Variants in RAB33B observed in about 807,000 individuals in gnomAD.
The protein encoded by RAB33B is RAB33B, member RAS oncogene family.
In RAB33B, 6 loss-of-function variants were observed where a neutral mutation model predicts 15.0. That is an observed-to-expected ratio of 0.40 (90% CI 0.22 to 0.79). RAB33B has a LOEUF of 0.79. Among genes scored for constraint, RAB33B ranks in the 30% least tolerant of loss-of-function variants. RAB33B has a pLI of 0.37. For synonymous variants in RAB33B, 117 were observed against 108.3 expected (o/e 1.08, Z -0.50); for missense variants, 257 against 296.4 (o/e 0.87, Z 0.98).
chr4:139,463,028 T>A (rs540105121), intron 1 of RAB33B, among the ~76,000 whole-genome samples: 1 of 152,202 alleles, frequency 6.6e-6, no homozygotes, highest in South Asian at 2.1e-4. Flanking sequence ...TAACTGGGTG[T>A]GGTGACACAC....
chr4:139,449,289 T>C (rs1749880699), upstream of RAB33B: 1 of 152,224 alleles, frequency 6.6e-6, no homozygotes, highest in African/African-American at 2.4e-5. Context: ...TTAGGTGTAA[T>C]TATGACATTA....
At chr4:139,446,772 TAC>T in the RAB33B span, among the ~76,000 whole-genome samples, 2 of 152,156 alleles carry the variant, frequency 1.3e-5, no homozygotes, top group South Asian at 4.1e-4. Flanking sequence ...GGATGGAGGT[TAC>T]ATATGGGCTC....
intron 1 of RAB33B, among the ~76,000 whole-genome samples, chr4:139,463,228 G>C (rs1337614909): frequency 6.6e-6 from 1 of 152,304 alleles, no homozygotes; most frequent in East Asian, 1.9e-4. Flanking sequence ...GCAATGGTGC[G>C]ATGTCAGCTA....
upstream of RAB33B, chr4:139,451,193 C>T (rs1749913660): frequency 1.3e-5 from 2 of 151,826 alleles, no homozygotes; most frequent in African/African-American, 4.8e-5. Context: ...GCCACTGCAC[C>T]CAGCCTGTTT....
At chr4:139,455,256 T>C (rs1750045886) in intron 1 of RAB33B, among the ~76,000 whole-genome samples, 1 of 152,216 alleles carries the variant, frequency 6.6e-6, no homozygotes, top group African/African-American at 2.4e-5. Flanking sequence ...GGCCTCTTGA[T>C]GGTATAAACC....
chr4:139,458,023 G>C (rs1750102670), intron 1 of RAB33B, among the ~76,000 whole-genome samples: 1 of 152,126 alleles, frequency 6.6e-6, no homozygotes, highest in Non-Finnish European at 1.5e-5. Context: ...TGATCTCCCA[G>C]TCCTCAATTA....
At chr4:139,454,467 G>T in intron 1 of RAB33B, 23 bp downstream of exon 1, 1 of 1,600,196 alleles carries the variant, frequency 6.2e-7, no homozygotes, top group South Asian at 1.1e-5. Flanking sequence ...GGAACTGTTG[G>T]GGAGGACAGG....
rs1258208308 is a variant in RAB33B, at chr4:139,476,495, G to A, written c.*3369G>A. The A allele has an allele frequency of 6.6e-6, 1 of 152,214 alleles. No homozygotes were observed. Among genetic ancestry groups the A allele is most frequent in the African/African-American group, 2.4e-5 (1 of 41,450 alleles). The allele number at this position is 152,214 out of a possible 1,614,324, so 9.4% of individuals were successfully genotyped here. A position where few individuals can be genotyped will look rare whatever the true frequency, so the allele number is the denominator to read the frequency against. On this transcript the variant is annotated 3_prime_UTR_variant, in exon 2 of 2. Transcript: ENST00000305626. ...CGTCATGTATTTTGGGAGCACGTTT[G>A]CTACAGCCTGTGTGGCAAGGGCGAA... is the stretch of plus-strand genomic sequence containing the variant.
chr4:139,465,165 C>T (rs560644445), intron 1 of RAB33B, among the ~76,000 whole-genome samples: 4 of 152,288 alleles, frequency 2.6e-5, no homozygotes, highest in South Asian at 2.1e-4. Context: ...TTTCATGTGT[C>T]TGTTGGCTGC....
intron 1 of RAB33B, among the ~76,000 whole-genome samples, chr4:139,469,003 C>T (rs1561006966): frequency 6.6e-6 from 1 of 152,094 alleles, no homozygotes. Flanking sequence ...TATTCTTGAC[C>T]TTTGGGAGTT....
upstream of RAB33B, chr4:139,454,050 C>A: frequency 1.0e-6 from 1 of 963,116 alleles, no homozygotes; most frequent in Non-Finnish European, 1.5e-6. Flanking sequence ...GGAAGGTGCG[C>A]AGGCGCGCTC....
At chr4:139,472,598 A>G in intron 1 of RAB33B, 88 bp from the exon 2 acceptor site, 2 of 965,974 alleles carry the variant, frequency 2.1e-6, no homozygotes, top group South Asian at 3.5e-5. Flanking sequence ...GTGAAGAGAT[A>G]ATAAAGACAA....
rs1750423783 is a variant in RAB33B, at chr4:139,473,178, G to A, written c.*52G>A. ...TTTTGACTAAAGAAATACTTTTGAA[G>A]TATGACAGTATTAAGTCATAAGATT... is the stretch of plus-strand genomic sequence containing the variant. On this transcript the variant is annotated 3_prime_UTR_variant, in exon 2 of 2. Transcript: ENST00000305626. 4 of 1,425,278 alleles carry A rather than the reference G, an allele frequency of 2.8e-6. No homozygotes were observed. Among genetic ancestry groups the A allele is most frequent in the Admixed American group, 4.6e-5 (2 of 43,802 alleles). The allele number at this position is 1,425,278 out of a possible 1,614,324, so 88.3% of individuals were successfully genotyped here.
the RAB33B span, among the ~76,000 whole-genome samples, chr4:139,439,168 T>A: frequency 6.6e-6 from 1 of 152,092 alleles, no homozygotes; most frequent in Admixed American, 6.5e-5. Flanking sequence ...GCACAGCTAA[T>A]TTTTTGTATT....
At chr4:139,470,576 C>T (rs111909977) in intron 1 of RAB33B, among the ~76,000 whole-genome samples, 76 of 152,252 alleles carry the variant, frequency 5.0e-4, no homozygotes, top group African/African-American at 1.7e-3. Context: ...GTCCCCTTTA[C>T]TTTTGCCTCT....
intron 1 of RAB33B, among the ~76,000 whole-genome samples, chr4:139,456,303 G>A: frequency 6.6e-6 from 1 of 152,148 alleles, no homozygotes; most frequent in South Asian, 2.1e-4. Flanking sequence ...AAAAACGGAA[G>A]TAGGAAATTC....
intron 1 of RAB33B, among the ~76,000 whole-genome samples, chr4:139,458,955 GGT>G (rs1447884898): frequency 3.3e-5 from 5 of 152,126 alleles, no homozygotes; most frequent in Non-Finnish European, 2.9e-5. Context: ...CCTTCTGACT[GGT>G]GTGAGATAGT....
At chr4:139,450,670 T>C (rs192683544), upstream of RAB33B, 1 of 152,366 alleles carries the variant, frequency 6.6e-6, no homozygotes, top group Admixed American at 6.5e-5. Flanking sequence ...AAAATGTCAA[T>C]AGTGCCAAGG....
At chr4:139,472,377 A>G (rs1405292063) in intron 1 of RAB33B, among the ~76,000 whole-genome samples, 1 of 152,210 alleles carries the variant, frequency 6.6e-6, no homozygotes, top group Admixed American at 6.5e-5. Flanking sequence ...AACACCTGAT[A>G]TATTTTTCTC....
Sources: allele counts gnomAD v4.1 joint callset (sites outside exome capture counted in the v4.1 genomes callset), GRCh38; gene constraint gnomAD v4.1.1; transcripts MANE v1.5; gene names NCBI Gene and HGNC (gene_info 2026-07-23, HGNC 2026-07-21).